PIEZO2: variants seen among roughly 807,000 people sequenced by gnomAD.
The protein encoded by PIEZO2 is piezo-type mechanosensitive ion channel component 2.
In PIEZO2, 172 loss-of-function variants were observed where a neutral mutation model predicts 337.3. The ratio of observed to expected loss-of-function variants is 0.51; its 90% CI spans 0.45 to 0.58. PIEZO2 has a LOEUF of 0.58. Among genes scored for constraint, PIEZO2 ranks in the 20% least tolerant of loss-of-function variants. The pLI, the probability that PIEZO2 is intolerant of heterozygous loss-of-function variation, is 0.00. For synonymous variants in PIEZO2, 1,251 were observed against 1,228.5 expected, an observed-to-expected ratio of 1.02 and a Z score of -0.38; for missense variants, 3,028 against 3,391.3, an observed-to-expected ratio of 0.89 and a Z score of 2.66.
intron 3 of PIEZO2, among the ~76,000 whole-genome samples, chr18:10,939,558 A>G (rs546974145): frequency 6.6e-6 from 1 of 152,370 alleles, no homozygotes; most frequent in East Asian, 1.9e-4. Context: ...AAAATGTGGC[A>G]TATATACACC....
chr18:11,125,839 G>A lies in PIEZO2; in HGVS notation c.64+22686C>T, dbSNP rs2040166469. On this transcript the variant is annotated intron_variant, in intron 1 of 55. Transcript: ENST00000674853. The surrounding 1 kb of genome is among the most constrained non-coding windows in gnomAD (Gnocchi z 4.4). ...CAATTTGATTGTATGAAGTGGCTGA[G>A]TGAGTCTGAGATAAGATAGGGCAAG... Among the ~76,000 whole-genome samples, 1 of 152,180 alleles carries A rather than the reference G, an allele frequency of 6.6e-6. No homozygotes were observed. Among genetic ancestry groups the A allele is most frequent in the Non-Finnish European group, 1.5e-5 (1 of 68,044 alleles).
chr18:10,968,580 A>C (rs2034109578), intron 3 of PIEZO2, among the ~76,000 whole-genome samples: 1 of 152,188 alleles, frequency 6.6e-6, no homozygotes, highest in Non-Finnish European at 1.5e-5. Context: ...GTTCTTCAAG[A>C]GTTATGTCCA....
intron 4 of PIEZO2, among the ~76,000 whole-genome samples, chr18:10,906,056 TGACA>T (rs1362938386): frequency 2.6e-5 from 4 of 152,194 alleles, no homozygotes; most frequent in East Asian, 1.9e-4. Flanking sequence ...AGAGGCTTGC[TGACA>T]GACAGAGCTA....
chr18:10,757,657 G>A (rs2037936125), intron 27 of PIEZO2, among the ~76,000 whole-genome samples: 1 of 151,842 alleles, frequency 6.6e-6, no homozygotes, highest in Non-Finnish European at 1.5e-5. Flanking sequence ...ATGCAGAGGA[G>A]GGATAAGAGA....
chr18:11,114,128 T>C (rs1284526930), intron 1 of PIEZO2, among the ~76,000 whole-genome samples: 1 of 152,246 alleles, frequency 6.6e-6, no homozygotes, highest in Admixed American at 6.5e-5. Flanking sequence ...CTGGTTGCAT[T>C]ACATAACCTT....
chr18:10,694,860 T>G (rs978259609), intron 47 of PIEZO2, among the ~76,000 whole-genome samples: 15 of 151,444 alleles, frequency 9.9e-5, no homozygotes, highest in African/African-American at 3.6e-4. Context: ...AATAAATAAA[T>G]TTTTTAAAAA....
chr18:10,760,791 C>G (rs1198336538), intron 24 of PIEZO2, 120 bp downstream of exon 24: 2 of 841,402 alleles, frequency 2.4e-6, no homozygotes, highest in Non-Finnish European at 3.6e-6. Flanking sequence ...CTGTTCTTCT[C>G]AAGGGGACAG....
chr18:11,017,482 C>T (rs1598834602), intron 2 of PIEZO2, among the ~76,000 whole-genome samples: 2 of 141,484 alleles, frequency 1.4e-5, no homozygotes. Flanking sequence ...TGCAGTTTTG[C>T]TTTTTTTTTT....
chr18:11,036,502 C>T (rs1055575259), intron 2 of PIEZO2, among the ~76,000 whole-genome samples: 20 of 152,056 alleles, frequency 1.3e-4, no homozygotes, highest in African/African-American at 4.6e-4. Context: ...GTATGCTGTG[C>T]TCTGTGTTAT....
chr18:11,131,414 A>G lies in PIEZO2; in HGVS notation c.64+17111T>C, dbSNP rs750046989. Among the ~76,000 whole-genome samples, 4 of 152,126 alleles carry G rather than the reference A, an allele frequency of 2.6e-5. No individual in the cohort carries two copies. The highest frequency in any genetic ancestry group is 2.0e-4 in the Admixed American group (3 of 15,270). ...CCGATGGCCTCATGGGGAGTTCCCTATGATCAGGTGACAGAGGCAGAGAAG... is the reference window on the plus strand; with the variant it reads ...CCGATGGCCTCATGGGGAGTTCCCTGTGATCAGGTGACAGAGGCAGAGAAG... On this transcript the variant is annotated intron_variant, in intron 1 of 55. Coordinates refer to ENST00000674853, the MANE Select transcript of PIEZO2 (RefSeq NM_001378183.1). The surrounding 1 kb of genome is among the most constrained non-coding windows in gnomAD (Gnocchi z 5.3).
intron 2 of PIEZO2, among the ~76,000 whole-genome samples, chr18:11,006,070 T>C (rs1012991738): frequency 2.6e-5 from 4 of 152,240 alleles, no homozygotes; most frequent in Non-Finnish European, 4.4e-5. Flanking sequence ...CTCTTTCCCT[T>C]GGCTCAGGTC....
At chr18:11,120,623 C>T (rs1284232183) in intron 1 of PIEZO2, among the ~76,000 whole-genome samples, 1 of 152,088 alleles carries the variant, frequency 6.6e-6, no homozygotes, top group Non-Finnish European at 1.5e-5. Context: ...ATCCCAAAAC[C>T]TTAAAAAGAA....
At chr18:10,916,219 C>T (rs1316841596) in intron 3 of PIEZO2, among the ~76,000 whole-genome samples, 1 of 152,180 alleles carries the variant, frequency 6.6e-6, no homozygotes, top group Non-Finnish European at 1.5e-5. Context: ...ACTCAGGAGC[C>T]CAGCTGGCTT....
chr18:10,906,853 G>A (rs1456378873), intron 4 of PIEZO2, among the ~76,000 whole-genome samples: 3 of 152,050 alleles, frequency 2.0e-5, no homozygotes, highest in Non-Finnish European at 4.4e-5. Flanking sequence ...GAGCCACCAC[G>A]CCCGGCCCAA....
At position 11,083,353 on chromosome 18, in the gene PIEZO2, A is replaced by G. The variant is rs1176470464; in HGVS notation, c.65-17131T>C. 1.3e-5 allele frequency among the ~76,000 whole-genome samples: 2 copies of G among 152,270 alleles called. No individual in the cohort carries two copies. The highest frequency in any genetic ancestry group is 2.9e-5 in the Non-Finnish European group (2 of 68,046). ...AGAGGCCAGGATCAGAATTTCTCTC[A>G]GAAGAGGAACTATATTTGTTTGGAT... On this transcript the variant is annotated intron_variant, in intron 1 of 55. Transcript: ENST00000674853. This position sits in a 1 kb window ranked among gnomAD's most constrained non-coding sequence, Gnocchi z 4.4.
chr18:10,696,655 C>A, intron 45 of PIEZO2, 116 bp from the exon 46 acceptor site: 2 of 1,171,850 alleles, frequency 1.7e-6, no homozygotes, highest in Non-Finnish European at 1.2e-6. Context: ...CAGTCAGGTC[C>A]CACCTTCCTC....
At chr18:10,882,483 T>C (rs1258055577) in intron 4 of PIEZO2, among the ~76,000 whole-genome samples, 1 of 152,234 alleles carries the variant, frequency 6.6e-6, no homozygotes, top group African/African-American at 2.4e-5. Flanking sequence ...ACATTAAAAA[T>C]CTAATATATT....
chr18:10,886,376 GTGTGTATATATATA>G lies in PIEZO2; in HGVS notation c.330-14975_330-14962del, dbSNP rs1343503418. ...CACACACACACATATATATGTGTGT[GTGTGTATATATATA>G]TATATATATATATATATATATATAT... On this transcript the variant is annotated intron_variant, in intron 4 of 55. Coordinates refer to ENST00000674853, the MANE Select transcript of PIEZO2 (RefSeq NM_001378183.1). Among the ~76,000 whole-genome samples, 92 of 13,788 alleles carry G rather than the reference GTGTGTATATATATA, an allele frequency of 6.7e-3. 20 individuals are homozygous for G. Among genetic ancestry groups the G allele is most frequent in the Middle Eastern group, 0.05 (1 of 20 alleles). The allele number at this position is 13,788 out of a possible 152,430, so 9.0% of individuals were successfully genotyped here. A position where few individuals can be genotyped will look rare whatever the true frequency, so the allele number is the denominator to read the frequency against.
intron 49 of PIEZO2, among the ~76,000 whole-genome samples, chr18:10,684,550 C>T (rs1049231608): frequency 6.6e-6 from 1 of 151,600 alleles, no homozygotes; most frequent in Middle Eastern, 3.2e-3. Flanking sequence ...CTGCAACTTC[C>T]ACCACCTGGG....
Sources: gnomAD v4.1 joint callset for allele counts (sites outside exome capture counted in the v4.1 genomes callset) on GRCh38, gnomAD v4.1.1 for gene constraint, Gnocchi (gnomAD v3.1) non-coding constraint, MANE v1.5 for transcripts, NCBI Gene and HGNC (gene_info 2026-07-23, HGNC 2026-07-21) for gene names.